Variants in LRGUK observed in about 807,000 individuals in gnomAD.
LRGUK encodes the protein leucine rich repeats and guanylate kinase domain containing.
In LRGUK, 65 loss-of-function variants were observed where a neutral mutation model predicts 76.0. That is an observed-to-expected ratio of 0.85 (90% CI 0.70 to 1.05). The LOEUF is 1.05. LRGUK is among the 50% of genes least tolerant of loss of function. The pLI is 0.00. For synonymous variants in LRGUK, 268 were observed against 265.6 expected (o/e 1.01, Z -0.09); for missense variants, 758 against 732.8 (o/e 1.03, Z -0.40).
intron 19 of LRGUK, 72 bp downstream of exon 19, chr7:134,258,477 C>T: frequency 6.4e-6 from 9 of 1,415,816 alleles, no homozygotes; most frequent in Non-Finnish European, 8.7e-6. Context: ...GCGAATGGAT[C>T]TCCTGACGTC....
exon 16 of LRGUK, chr7:134,209,792 GAGA>G (rs1163907384): frequency 2.5e-6 from 1 of 399,704 alleles, no homozygotes; most frequent in Non-Finnish European, 4.4e-6. Context: ...AGTCCAGGAA[GAGA>G]AGGTCAGTGA....
At chr7:134,134,001 T>G (rs79920245) in intron 1 of LRGUK, among the ~76,000 whole-genome samples, 20,522 of 151,598 alleles carry the variant, frequency 0.14, 1,713 homozygotes, top group East Asian at 0.33. Flanking sequence ...GGTTGAGGCT[T>G]CAGTGAACTG....
At chr7:134,253,505 T>TA (rs1216821754) in intron 18 of LRGUK, among the ~76,000 whole-genome samples, 1 of 152,190 alleles carries the variant, frequency 6.6e-6, no homozygotes, top group Non-Finnish European at 1.5e-5. Flanking sequence ...TCCTATCTAT[T>TA]AAAAGATATG....
At position 134,188,895 on chromosome 7, in the gene LRGUK, G is replaced by A. The variant is rs139197510; in HGVS notation, c.1335-2760G>A. ...GAATTAAGCTTCTAAATCTGCATGC[G>A]TCTGAATGACACAGAAAAAAAAATA... On this transcript the variant is annotated intron_variant, in intron 11 of 15. Transcript: ENST00000645682. Among the ~76,000 whole-genome samples, 12 of 152,190 alleles carry A rather than the reference G, an allele frequency of 7.9e-5. 1 individual carries two copies. The South Asian group carries it at 1.5e-3, about 18-fold the overall frequency.
exon 16 of LRGUK, chr7:134,221,779 A>C: frequency 6.6e-7 from 1 of 1,504,924 alleles, no homozygotes; most frequent in Non-Finnish European, 8.8e-7. Context: ...TTCCTACCAG[A>C]TGTTAAGACA....
chr7:134,188,196 A>G (rs1024201870), intron 11 of LRGUK, among the ~76,000 whole-genome samples: 5 of 152,198 alleles, frequency 3.3e-5, no homozygotes, highest in African/African-American at 1.2e-4. Flanking sequence ...CTAACAAGAT[A>G]GTTTGATGGG....
At chr7:134,220,588 T>A (rs536264336) in intron 15 of LRGUK, among the ~76,000 whole-genome samples, 1 of 151,932 alleles carries the variant, frequency 6.6e-6, no homozygotes, top group Non-Finnish European at 1.5e-5. Flanking sequence ...TCTTTTTTTT[T>A]TTTTCTTTTG....
At chr7:134,206,670 C>G (rs866988714) in intron 15 of LRGUK, among the ~76,000 whole-genome samples, 2 of 151,708 alleles carry the variant, frequency 1.3e-5, no homozygotes, top group Admixed American at 1.3e-4. Context: ...TTAAAAAGCA[C>G]AAGTAAACAA....
intron 1 of LRGUK, among the ~76,000 whole-genome samples, chr7:134,134,406 T>C (rs182595052): frequency 7.4e-4 from 113 of 152,244 alleles, no homozygotes; most frequent in African/African-American, 2.6e-3. Flanking sequence ...TGGCCACCCA[T>C]AGGGATTCTG....
At position 134,155,580 on chromosome 7, in the gene LRGUK, C is replaced by T. The variant is rs529526815; in HGVS notation, c.671-2455C>T. Among the ~76,000 whole-genome samples the T allele has an allele frequency of 4.6e-5, 7 of 152,230 alleles. 1 individual carries two copies. Among genetic ancestry groups the T allele is most frequent in the Admixed American group, 4.6e-4 (7 of 15,304 alleles). ...GGCGTAGGTATTTTCAGGCTTAATC[C>T]CAGCCTTGAATTTTCCATTTCTGTG... On this transcript the variant is annotated intron_variant, in intron 5 of 15. Coordinates refer to ENST00000645682, the Ensembl canonical transcript of LRGUK.
At chr7:134,271,207 A>C in the LRGUK span, among the ~76,000 whole-genome samples, 3 of 151,880 alleles carry the variant, frequency 2.0e-5, no homozygotes, top group Non-Finnish European at 1.5e-5. Flanking sequence ...CTGGTTAATA[A>C]TTTTTTGTTA....
At chr7:134,217,445 T>A (rs997707598) in intron 15 of LRGUK, among the ~76,000 whole-genome samples, 12 of 152,212 alleles carry the variant, frequency 7.9e-5, no homozygotes, top group African/African-American at 2.9e-4. Context: ...TTAATAAATG[T>A]ATTCACTTTC....
intron 16 of LRGUK, among the ~76,000 whole-genome samples, chr7:134,231,269 T>A (rs1277226477): frequency 6.6e-6 from 1 of 152,086 alleles, no homozygotes; most frequent in Non-Finnish European, 1.5e-5. Context: ...AAAGGAGGTG[T>A]GGCCATGTAA....
intron 12 of LRGUK, among the ~76,000 whole-genome samples, chr7:134,193,487 C>G (rs563292429): frequency 9.1e-4 from 138 of 152,194 alleles, no homozygotes; most frequent in African/African-American, 3.2e-3. Flanking sequence ...TGGTTCAATT[C>G]CTAGTCTAAA....
At chr7:134,221,917 C>T (rs35149449) in exon 16 of LRGUK, 153,887 of 1,587,850 alleles carry the variant, frequency 0.097, 10,301 homozygotes, top group East Asian at 0.39. Flanking sequence ...AAAACACCAG[C>T]GGTAAGAGAG....
At chr7:134,171,962 C>A (rs1799272993) in intron 7 of LRGUK, among the ~76,000 whole-genome samples, 1 of 152,054 alleles carries the variant, frequency 6.6e-6, no homozygotes, top group South Asian at 2.1e-4. Context: ...CCAGGCCACC[C>A]CATACCTTCT....
At chr7:134,133,875 C>T (rs921275745) in intron 1 of LRGUK, among the ~76,000 whole-genome samples, 1 of 151,906 alleles carries the variant, frequency 6.6e-6, no homozygotes, top group African/African-American at 2.4e-5. Flanking sequence ...GCCTGGGCAA[C>T]ATGGTGAAAC....
chr7:134,137,033 A>G lies in LRGUK; in HGVS notation c.308A>G (p.Asp103Gly), dbSNP rs752624136. 6 of 1,612,828 alleles carry G rather than the reference A, an allele frequency of 3.7e-6. No individual in the cohort carries two copies. Among genetic ancestry groups the G allele is most frequent in the Admixed American group, 3.3e-5 (2 of 59,926 alleles). Reference sequence around the variant, plus strand: ...CTGGGTTTTTTACAGGAGGAATTTGATGGGGTCCTGAGAGAGGAGGCTGTG... The same window carrying G: ...CTGGGTTTTTTACAGGAGGAATTTGGTGGGGTCCTGAGAGAGGAGGCTGTG... The change falls in exon 2 of 16, where the codon GAT becomes GGT. Residue 103 changes from aspartate to glycine, a missense_variant. Physicochemically the swap from Asp to Gly is moderately conservative, Grantham distance 94. Coordinates refer to ENST00000645682, the Ensembl canonical transcript of LRGUK.
chr7:134,138,006 A>G (rs997088427), intron 2 of LRGUK, among the ~76,000 whole-genome samples: 6 of 152,232 alleles, frequency 3.9e-5, no homozygotes, highest in Non-Finnish European at 7.3e-5. Flanking sequence ...TTCCATGGGC[A>G]TGTCCTTCAA....
Sources: allele counts gnomAD v4.1 joint callset (sites outside exome capture counted in the v4.1 genomes callset), GRCh38; gene constraint gnomAD v4.1.1; transcripts MANE v1.5; gene names NCBI Gene and HGNC (gene_info 2026-07-23, HGNC 2026-07-21).